The following IGSF3 variants were observed in gnomAD, a reference collection of about 807,000 sequenced individuals.
The protein encoded by IGSF3 is immunoglobulin superfamily member 3.
In IGSF3, 23 loss-of-function variants were observed where a neutral mutation model predicts 114.4. That is an observed-to-expected ratio of 0.20 (90% CI 0.14 to 0.28). The LOEUF is 0.28. Ranked by LOEUF, IGSF3 falls within the 10% of genes least tolerant of loss-of-function variation. The pLI, the probability that IGSF3 is intolerant of heterozygous loss-of-function variation, is 1.00. For missense variants in IGSF3, 1,172 were observed against 1,591.5 expected, an observed-to-expected ratio of 0.74 and a Z score of 4.48; for synonymous variants, 571 against 645.2, an observed-to-expected ratio of 0.88 and a Z score of 1.74.
rs1366602136 is a variant in IGSF3 at position 116,607,384 on chromosome 1, T to C, written c.1222+558A>G. Among the ~76,000 whole-genome samples, 1 of 152,190 alleles carries C rather than the reference T, an allele frequency of 6.6e-6. No homozygotes were observed. Among genetic ancestry groups the C allele is most frequent in the Non-Finnish European group, 1.5e-5 (1 of 68,052 alleles). ...CTTAAAAGGCTATGCTCCAGGAAGA[T>C]GTGAGAGGTCCCATCCACCGACTTT... On this transcript the variant is annotated intron_variant, in intron 5 of 10. Transcript: ENST00000369486. The surrounding 1 kb of genome is among the most constrained non-coding windows in gnomAD (Gnocchi z 6.1).
At position 116,579,342 on chromosome 1, in the gene IGSF3, C is replaced by T; in HGVS notation, c.3334+50G>A. On this transcript the variant is annotated intron_variant, in intron 10 of 10. Coordinates refer to ENST00000369486, the MANE Select transcript of IGSF3 (RefSeq NM_001007237.3). The surrounding 1 kb of genome is among the most constrained non-coding windows in gnomAD (Gnocchi z 6.4). ...ATCAAGCTCAAATTTATCTTCCAGACACAGTTGGAACCAACAGTGACATCC... is the reference window on the plus strand; with the variant it reads ...ATCAAGCTCAAATTTATCTTCCAGATACAGTTGGAACCAACAGTGACATCC... The T allele has an allele frequency of 6.6e-7, 1 of 1,513,402 alleles. No individual in the cohort carries two copies. Among genetic ancestry groups the T allele is most frequent in the Non-Finnish European group, 8.8e-7 (1 of 1,131,218 alleles). The allele number at this position is 1,513,402 out of a possible 1,614,324, so 93.7% of individuals were successfully genotyped here. A position where few individuals can be genotyped will look rare whatever the true frequency, so the allele number is the denominator to read the frequency against.
intron 8 of IGSF3, among the ~76,000 whole-genome samples, chr1:116,587,266 A>T (rs1659887883): frequency 6.6e-6 from 1 of 152,238 alleles, no homozygotes; most frequent in Non-Finnish European, 1.5e-5. Flanking sequence ...ATAGTAACTG[A>T]TAAGTCAATT....
intron 5 of IGSF3, chr1:116,606,350 T>C (rs1450364121): frequency 9.8e-7 from 1 of 1,018,206 alleles, no homozygotes; most frequent in Non-Finnish European, 1.5e-6. Flanking sequence ...TATTGGCCTC[T>C]ACGAGGATTT....
Position 116,600,204 on chromosome 1 carries a change from G to A in IGSF3, c.1766C>T (p.Thr589Met), listed in dbSNP as rs772538736. 2.0e-5 allele frequency: 32 copies of A among 1,614,002 alleles called. No individual in the cohort carries two copies. Among genetic ancestry groups the A allele is most frequent in the Admixed American group, 5.0e-5 (3 of 60,000 alleles). Reference sequence around the variant, plus strand: ...GGTCACCAAGTCATGGAACTCCACCGTGCCCACCGGCTGGAACCGCCATGT... The same window carrying A: ...GGTCACCAAGTCATGGAACTCCACCATGCCCACCGGCTGGAACCGCCATGT... ...SVTWRFQPVGTVEFHDLVTFT... is the reference protein window; with the variant it reads ...SVTWRFQPVGMVEFHDLVTFT... Residue 589 changes from threonine (T) to methionine (M), a missense_variant, in exon 7 of 11, where the codon ACG becomes ATG. Coordinates refer to ENST00000369486, the MANE Select transcript of IGSF3 (RefSeq NM_001007237.3). The surrounding 1 kb of genome is among the most constrained non-coding windows in gnomAD (Gnocchi z 5.5).
chr1:116,603,632 G>C lies in IGSF3; in HGVS notation c.1616C>G (p.Thr539Arg), dbSNP rs368583724. 6.2e-7 allele frequency: 1 copy of C among 1,613,402 alleles called. No homozygotes were observed. The highest frequency in any genetic ancestry group is 8.5e-7 in the Non-Finnish European group (1 of 1,179,494). Residue 539 changes from threonine (T) to arginine (R), a missense_variant, in exon 6 of 11, where the codon ACA becomes AGA. This residue lies in a region of IGSF3 where 736 missense variants were observed against 1,042.0 expected (regional missense o/e 0.71). Coordinates refer to ENST00000369486, the MANE Select transcript of IGSF3 (RefSeq NM_001007237.3). This position sits in a 1 kb window ranked among gnomAD's most constrained non-coding sequence, Gnocchi z 7.1. ...TCCCACCGCTCACTCACCAAGAGCT[G>C]TGATGGAGATGGGAGTGCTGGCCCG... is the stretch of plus-strand genomic sequence containing the variant. ...ERRASTPISI[T>R]ALEMGFAVTA...
At chr1:116,606,564 T>C (rs377028563) in intron 5 of IGSF3, 169 of 813,468 alleles carry the variant, frequency 2.1e-4, no homozygotes, top group South Asian at 1.8e-3. Flanking sequence ...GGAAAAGCAA[T>C]ATAGCAGGCC....
rs1229694738 is a variant in IGSF3, at chr1:116,650,934, T to C, written c.43+15350A>G. On this transcript the variant is annotated intron_variant, in intron 2 of 10. Coordinates refer to ENST00000369486, the MANE Select transcript of IGSF3 (RefSeq NM_001007237.3). The surrounding 1 kb of genome is among the most constrained non-coding windows in gnomAD (Gnocchi z 5.0). ...TGGGCCCTACTCCCAGTTCCACAGATAGGGAGCAGGCCCCAGGCCAGAGTG... is the reference window on the plus strand; with the variant it reads ...TGGGCCCTACTCCCAGTTCCACAGACAGGGAGCAGGCCCCAGGCCAGAGTG... Among the ~76,000 whole-genome samples the C allele has an allele frequency of 6.6e-6, 1 of 152,216 alleles. No homozygotes were observed. The highest frequency in any genetic ancestry group is 1.5e-5 in the Non-Finnish European group (1 of 68,036).
rs1648509157 is a variant in IGSF3, at chr1:116,648,746, C to T, written c.43+17538G>A. On this transcript the variant is annotated intron_variant, in intron 2 of 10. Transcript: ENST00000369486. This position sits in a 1 kb window ranked among gnomAD's most constrained non-coding sequence, Gnocchi z 4.7. ...GATCTGGAACTTCTTCCTGAAGCTCCATGTTTAGCCAGATAATTGAGACAC... is the reference window on the plus strand; with the variant it reads ...GATCTGGAACTTCTTCCTGAAGCTCTATGTTTAGCCAGATAATTGAGACAC... 6.6e-6 allele frequency among the ~76,000 whole-genome samples: 1 copy of T among 152,160 alleles called. No individual in the cohort carries two copies. Among genetic ancestry groups the T allele is most frequent in the African/African-American group, 2.4e-5 (1 of 41,436 alleles).
rs200190863 is a variant in IGSF3, at chr1:116,600,986, C to T, written c.1625-641G>A. Reference sequence around the variant, plus strand: ...TATTGAATGGGCAGCACTGCTAAGCCCTAATACTGACTCCTCAATATGAGT... The same window carrying T: ...TATTGAATGGGCAGCACTGCTAAGCTCTAATACTGACTCCTCAATATGAGT... On this transcript the variant is annotated intron_variant, in intron 6 of 10. Transcript: ENST00000369486. This position sits in a 1 kb window ranked among gnomAD's most constrained non-coding sequence, Gnocchi z 5.5. Among the ~76,000 whole-genome samples, 2 of 152,204 alleles carry T rather than the reference C, an allele frequency of 1.3e-5. No homozygotes were observed. The highest frequency in any genetic ancestry group is 2.9e-5 in the Non-Finnish European group (2 of 68,042).
chr1:116,600,468 T>C lies in IGSF3; in HGVS notation c.1625-123A>G. The C allele has an allele frequency of 1.3e-6, 1 of 751,106 alleles. No homozygotes were observed. The highest frequency in any genetic ancestry group is 1.8e-5 in the South Asian group (1 of 55,162). 46.5% of individuals were successfully genotyped at this position (751,106 alleles called of 1,614,324 possible). A position where few individuals can be genotyped will look rare whatever the true frequency, so the allele number is the denominator to read the frequency against. ...GGGACAGAGGCTCTCGGAGCCCCTT[T>C]TGAGCTCTCAGGCTAGTGTTGCTTT... On this transcript the variant is annotated intron_variant, in intron 6 of 10. Transcript: ENST00000369486. This position sits in a 1 kb window ranked among gnomAD's most constrained non-coding sequence, Gnocchi z 5.5.
In IGSF3 at chr1:116,577,701, A is replaced by G. The variant is rs1468565364; in HGVS notation, c.3335-139T>C. ...ACCACCTTGTCTTTCCCCTGCTACC[A>G]TTAATGGTGGAAGATGACCCTTATA... is the stretch of plus-strand genomic sequence containing the variant. On this transcript the variant is annotated intron_variant, in intron 10 of 10. Transcript: ENST00000369486. The surrounding 1 kb of genome is among the most constrained non-coding windows in gnomAD (Gnocchi z 5.7). The G allele has an allele frequency of 1.5e-5, 11 of 718,630 alleles. No homozygotes were observed. Among genetic ancestry groups the G allele is most frequent in the African/African-American group, 5.3e-5 (3 of 56,674 alleles). 44.5% of individuals were successfully genotyped at this position (718,630 alleles called of 1,614,324 possible).
At position 116,600,351 on chromosome 1, in the gene IGSF3, G is replaced by C. The variant is rs1215291544; in HGVS notation, c.1625-6C>G. 1.9e-6 allele frequency: 3 copies of C among 1,602,002 alleles called. No homozygotes were observed. ...TGTGACTGCGAAGCCCATTTCTGGA[G>C]AGAAAGCAGAGAGATTCAACCAGAG... On this transcript the variant is annotated splice_polypyrimidine_tract_variant and splice_region_variant and intron_variant, in intron 6 of 10. Coordinates refer to ENST00000369486, the MANE Select transcript of IGSF3 (RefSeq NM_001007237.3). The surrounding 1 kb of genome is among the most constrained non-coding windows in gnomAD (Gnocchi z 5.5).
chr1:116,631,587 G>A lies in IGSF3; in HGVS notation c.44-15130C>T, dbSNP rs534026497. On this transcript the variant is annotated intron_variant, in intron 2 of 10. Transcript: ENST00000369486. The stretch of plus-strand genomic sequence containing the variant: ...GGTCTGGCCAGAGAGATAGTAAAGA[G>A]ATGTAGTTAACAGGCAAGAGAATGT... Among the ~76,000 whole-genome samples, 10 of 152,312 alleles carry A rather than the reference G, an allele frequency of 6.6e-5. No individual in the cohort carries two copies. The South Asian group carries it at 2.1e-3, about 32-fold the overall frequency.
chr1:116,619,332 C>T (rs79938196), intron 2 of IGSF3, among the ~76,000 whole-genome samples: 3 of 152,178 alleles, frequency 2.0e-5, no homozygotes, highest in Non-Finnish European at 4.4e-5. Flanking sequence ...GGATCATGCA[C>T]GTCCTCCCCA....
Position 116,657,315 on chromosome 1 carries a change from T to C in IGSF3, c.43+8969A>G, listed in dbSNP as rs1648900652. On this transcript the variant is annotated intron_variant, in intron 2 of 10. Transcript: ENST00000369486. This position sits in a 1 kb window ranked among gnomAD's most constrained non-coding sequence, Gnocchi z 4.2. ...CAAGGTCACCAATGCAAAGAAGTAG[T>C]GGGCAAACACCACCCAGGTTATCCA... Among the ~76,000 whole-genome samples, 3 of 152,108 alleles carry C rather than the reference T, an allele frequency of 2.0e-5. No homozygotes were observed. Among genetic ancestry groups the C allele is most frequent in the African/African-American group, 7.2e-5 (3 of 41,398 alleles).
intron 2 of IGSF3, among the ~76,000 whole-genome samples, chr1:116,640,660 A>G (rs1571182987): frequency 1.3e-5 from 2 of 152,206 alleles, no homozygotes; most frequent in South Asian, 2.1e-4. Flanking sequence ...CACTGTCTGA[A>G]TAATCATTAT....
Position 116,618,459 on chromosome 1 carries a change from T to C in IGSF3, c.44-2002A>G, listed in dbSNP as rs1661297167. 6.6e-6 allele frequency among the ~76,000 whole-genome samples: 1 copy of C among 152,228 alleles called. No individual in the cohort carries two copies. The highest frequency in any genetic ancestry group is 1.5e-5 in the Non-Finnish European group (1 of 68,042). On this transcript the variant is annotated intron_variant, in intron 2 of 10. Transcript: ENST00000369486. The surrounding 1 kb of genome is among the most constrained non-coding windows in gnomAD (Gnocchi z 4.7). ...GTGCAACAGTGATCCTGTAAGATTA[T>C]AATGGAGCATATATAGAGATCTAAT...
rs1338964998 is a variant in IGSF3 at position 116,647,391 on chromosome 1, T to G, written c.43+18893A>C. On this transcript the variant is annotated intron_variant, in intron 2 of 10. Transcript: ENST00000369486. The surrounding 1 kb of genome is among the most constrained non-coding windows in gnomAD (Gnocchi z 4.6). The stretch of plus-strand genomic sequence containing the variant: ...ATGGCTCGCAACTATGTGCTGAGTG[T>G]GGCCCAAATTCCAGCTCCAAATGGT... Among the ~76,000 whole-genome samples, 1 of 152,170 alleles carries G rather than the reference T, an allele frequency of 6.6e-6. No individual in the cohort carries two copies. Among genetic ancestry groups the G allele is most frequent in the East Asian group, 1.9e-4 (1 of 5,184 alleles).
intron 2 of IGSF3, among the ~76,000 whole-genome samples, chr1:116,631,317 C>CAAA (rs939848949): frequency 7.8e-4 from 36 of 45,990 alleles, no homozygotes; most frequent in Admixed American, 1.1e-3. Flanking sequence ...GACGCTGTCT[C>CAAA]AAAAAAAAAA....
Sources: gnomAD v4.1 joint callset for allele counts (sites outside exome capture counted in the v4.1 genomes callset) on GRCh38, gnomAD v4.1.1 for gene constraint, gnomAD v4.1.1 regional missense constraint, Gnocchi (gnomAD v3.1) non-coding constraint, MANE v1.5 for transcripts, NCBI Gene and HGNC (gene_info 2026-07-23, HGNC 2026-07-21) for gene names.